Variants in BMP5 observed in about 807,000 individuals in gnomAD.
BMP5 encodes bone morphogenetic protein 5.
In BMP5, 23 loss-of-function variants were observed where a neutral mutation model predicts 46.6. The observed-to-expected ratio is 0.49, with a 90% CI of 0.35 to 0.70. The LOEUF is 0.70. Among genes scored for constraint, BMP5 ranks in the 30% least tolerant of loss-of-function variants. The pLI is 0.00. For synonymous variants in BMP5, 204 were observed against 191.9 expected (o/e 1.06, Z -0.52); for missense variants, 545 against 565.6 (o/e 0.96, Z 0.37).
At chr6:55,811,673 C>A (rs1442199721) in intron 2 of BMP5, among the ~76,000 whole-genome samples, 2 of 151,606 alleles carry the variant, frequency 1.3e-5, no homozygotes, top group Admixed American at 1.3e-4. Context: ...CTCCCTCCTT[C>A]CCTCTCTCTT....
chr6:55,831,241 A>C (rs1366592616), intron 1 of BMP5, among the ~76,000 whole-genome samples: 1 of 152,176 alleles, frequency 6.6e-6, no homozygotes, highest in Non-Finnish European at 1.5e-5. Context: ...AGCATCCTAA[A>C]GGGAAAATAA....
chr6:55,758,695 GAAAC>G (rs1774676366), intron 6 of BMP5, among the ~76,000 whole-genome samples: 1 of 151,850 alleles, frequency 6.6e-6, no homozygotes, highest in African/African-American at 2.4e-5. Context: ...TGCTAGGTTA[GAAAC>G]AGCCCCAGGG....
intron 1 of BMP5, among the ~76,000 whole-genome samples, chr6:55,849,994 C>T (rs938436480): frequency 2.0e-5 from 3 of 151,982 alleles, no homozygotes; most frequent in Admixed American, 2.0e-4. Context: ...TTTTGAAGTC[C>T]TTTGCATACA....
chr6:55,850,795 G>A (rs1216864195), intron 1 of BMP5, among the ~76,000 whole-genome samples: 1 of 152,164 alleles, frequency 6.6e-6, no homozygotes, highest in Non-Finnish European at 1.5e-5. Flanking sequence ...TAAGAAAGTA[G>A]GTTCCAGTCC....
chr6:55,835,411 C>T (rs1776769569), intron 1 of BMP5, among the ~76,000 whole-genome samples: 1 of 152,154 alleles, frequency 6.6e-6, no homozygotes, highest in Non-Finnish European at 1.5e-5. Flanking sequence ...TACAGGAACA[C>T]TTTGACTTGG....
rs147779857 is a variant in BMP5 at position 55,792,848 on chromosome 6, G to A, written c.832+1431C>T. ...TGAAAAATGAGGGAGGTAGACTGTA[G>A]GCCTAATGTTTTTCTTGCCTGATTC... On this transcript the variant is annotated intron_variant, in intron 3 of 6. Transcript: ENST00000370830. 4.2e-3 allele frequency among the ~76,000 whole-genome samples: 638 copies of A among 152,200 alleles called. 12 individuals are homozygous for A. Among genetic ancestry groups the A allele is most frequent in the Admixed American group, 0.035 (540 of 15,288 alleles).
intron 1 of BMP5, among the ~76,000 whole-genome samples, chr6:55,835,181 G>GA (rs1486325300): frequency 6.6e-6 from 1 of 152,116 alleles, no homozygotes; most frequent in Admixed American, 6.6e-5. Flanking sequence ...TTCATTAGCA[G>GA]AAAAATATTT....
intron 3 of BMP5, among the ~76,000 whole-genome samples, chr6:55,786,597 A>T (rs1775456287): frequency 6.6e-6 from 1 of 151,688 alleles, no homozygotes; most frequent in Non-Finnish European, 1.5e-5. Flanking sequence ...ACTGGAAGAT[A>T]ACTATTCTTC....
chr6:55,860,235 C>G (rs1162611724), intron 1 of BMP5, among the ~76,000 whole-genome samples: 1 of 152,182 alleles, frequency 6.6e-6, no homozygotes, highest in Admixed American at 6.5e-5. Context: ...GATCACACCA[C>G]TGACCTCCAG....
At position 55,759,118 on chromosome 6, in the gene BMP5, G is replaced by GACAC. The variant is rs780694955; in HGVS notation, c.1105-7_1105-4dup. 1 of 553,058 alleles carries GACAC rather than the reference G, an allele frequency of 1.8e-6. No homozygotes were observed. The highest frequency in any genetic ancestry group is 2.4e-5 in the Admixed American group (1 of 41,416). The allele number at this position is 553,058 out of a possible 1,614,324, so 34.3% of individuals were successfully genotyped here. A position where few individuals can be genotyped will look rare whatever the true frequency, so the allele number is the denominator to read the frequency against. ...CCTTCTGGTGCTATAATCCAGTCCT[G>GACAC]ACACATACACACACACACACACACA... is the stretch of plus-strand genomic sequence containing the variant. On this transcript the variant is annotated splice_polypyrimidine_tract_variant and splice_region_variant and intron_variant, in intron 5 of 6. Transcript: ENST00000370830.
At chr6:55,828,616 G>T (rs1302766754) in intron 1 of BMP5, among the ~76,000 whole-genome samples, 2 of 151,564 alleles carry the variant, frequency 1.3e-5, no homozygotes, top group Non-Finnish European at 3.0e-5. Flanking sequence ...CACATTTTTA[G>T]TGTATTCAAT....
intron 2 of BMP5, 107 bp downstream of exon 2, chr6:55,819,548 G>GTTA: frequency 1.1e-6 from 1 of 902,186 alleles, no homozygotes; most frequent in Admixed American, 2.1e-5. Context: ...TTACTACATT[G>GTTA]CCCCCAAAAA....
chr6:55,875,090 C>T lies in BMP5; in HGVS notation c.-225G>A. ...GTAGTTATTTCTAAGAAAGCTGAAACTCAGATTTCCAATTATCCACAGTTG... is the reference window on the plus strand; with the variant it reads ...GTAGTTATTTCTAAGAAAGCTGAAATTCAGATTTCCAATTATCCACAGTTG... On this transcript the variant is annotated 5_prime_UTR_variant, in exon 1 of 7. Transcript: ENST00000370830. 1 of 498,038 alleles carries T rather than the reference C, an allele frequency of 2.0e-6. No individual in the cohort carries two copies. Among genetic ancestry groups the T allele is most frequent in the Non-Finnish European group, 3.5e-6 (1 of 282,212 alleles). The allele number at this position is 498,038 out of a possible 1,614,324, so 30.9% of individuals were successfully genotyped here.
At chr6:55,834,630 G>C (rs75670025) in intron 1 of BMP5, among the ~76,000 whole-genome samples, 2,722 of 152,064 alleles carry the variant, frequency 0.018, 88 homozygotes, top group African/African-American at 0.061. Flanking sequence ...TACTATACTA[G>C]CTGTCAAGGG....
intron 1 of BMP5, among the ~76,000 whole-genome samples, chr6:55,821,025 G>T (rs1275729747): frequency 6.6e-6 from 1 of 152,080 alleles, no homozygotes; most frequent in African/African-American, 2.4e-5. Flanking sequence ...TCAAAAATTG[G>T]AAATCTTTAG....
intron 3 of BMP5, among the ~76,000 whole-genome samples, chr6:55,781,180 T>C (rs996091683): frequency 6.6e-6 from 1 of 152,156 alleles, no homozygotes; most frequent in African/African-American, 2.4e-5. Context: ...TGGTTAGCAG[T>C]TGGTCTTATA....
chr6:55,764,616 A>T (rs1774877426), intron 4 of BMP5, among the ~76,000 whole-genome samples: 1 of 151,926 alleles, frequency 6.6e-6, no homozygotes, highest in East Asian at 1.9e-4. Context: ...AAAGAAAAAA[A>T]AGTCAATTAG....
chr6:55,828,157 C>G (rs1776575656), intron 1 of BMP5, among the ~76,000 whole-genome samples: 1 of 151,824 alleles, frequency 6.6e-6, no homozygotes, highest in Non-Finnish European at 1.5e-5. Context: ...ATCTTGAAAT[C>G]AGTGAGTTGA....
At chr6:55,853,154 AAAT>A (rs1454087946) in intron 1 of BMP5, among the ~76,000 whole-genome samples, 1 of 29,982 alleles carries the variant, frequency 3.3e-5, no homozygotes, top group Non-Finnish European at 5.9e-5. Context: ...AAATAAAATA[AAAT>A]AAAATAAAAT....
Sources: allele counts gnomAD v4.1 joint callset (sites outside exome capture counted in the v4.1 genomes callset), GRCh38; gene constraint gnomAD v4.1.1; transcripts MANE v1.5; gene names NCBI Gene and HGNC (gene_info 2026-07-23, HGNC 2026-07-21).